Variants in LPP observed in about 807,000 individuals in gnomAD.
LPP encodes the protein lipoma-preferred partner.
Under a neutral mutation model 60.4 loss-of-function variants are expected in LPP, and 38 were observed. The ratio of observed to expected loss-of-function variants is 0.63; its 90% CI spans 0.49 to 0.83. The LOEUF (loss-of-function observed/expected upper bound fraction) is 0.83, where lower values mean the gene tolerates loss of function less well. Ranked by LOEUF, LPP falls within the 40% of genes least tolerant of loss-of-function variation. LPP has a pLI of 0.00. For missense variants in LPP, 902 were observed against 783.6 expected (o/e 1.15, Z -1.80); for synonymous variants, 328 against 290.8 (o/e 1.13, Z -1.30).
At chr3:188,825,269 CTGTG>C (rs3057956) in intron 9 of LPP, among the ~76,000 whole-genome samples, 5,334 of 101,252 alleles carry the variant, frequency 0.053, 139 homozygotes, top group African/African-American at 0.079. Flanking sequence ...CTCTCTCTCT[CTGTG>C]TGTGTGTGTG....
intron 6 of LPP, among the ~76,000 whole-genome samples, chr3:188,545,903 A>T (rs1826521735): frequency 6.6e-6 from 1 of 152,142 alleles, no homozygotes; most frequent in African/African-American, 2.4e-5. Context: ...AAGGCTCCAG[A>T]CAAGTTTGTG....
At chr3:188,360,539 T>C (rs1452797240) in intron 3 of LPP, among the ~76,000 whole-genome samples, 1 of 152,052 alleles carries the variant, frequency 6.6e-6, no homozygotes, top group African/African-American at 2.4e-5. Context: ...TTTCTTTTTG[T>C]GGAGATGGGG....
chr3:188,829,051 C>G (rs1236610561), intron 9 of LPP, among the ~76,000 whole-genome samples: 1 of 151,990 alleles, frequency 6.6e-6, no homozygotes, highest in African/African-American at 2.4e-5. Context: ...TATCTCTATA[C>G]CCCCCATTGT....
rs137926514 is a variant in LPP at position 188,639,481 on chromosome 3, A to C, written c.1113+29637A>C. Among the ~76,000 whole-genome samples the C allele has an allele frequency of 3.3e-3, 503 of 152,102 alleles. 3 individuals carry two copies. Among genetic ancestry groups the C allele is most frequent in the Admixed American group, 5.4e-3 (82 of 15,280 alleles). On this transcript the variant is annotated intron_variant, in intron 7 of 11. Transcript: ENST00000617246. ...GCAAGGACTTCATGTCTAAAACACC[A>C]AAAGCAATGGCAACAAAGGACAAAA... is the stretch of plus-strand genomic sequence containing the variant.
intron 2 of LPP, among the ~76,000 whole-genome samples, chr3:188,272,557 T>C (rs1021616002): frequency 6.6e-6 from 1 of 152,176 alleles, no homozygotes; most frequent in Non-Finnish European, 1.5e-5. Context: ...CTTTTGCTAC[T>C]GCAGAGGTAT....
chr3:188,436,567 C>T (rs1245334357), intron 4 of LPP, among the ~76,000 whole-genome samples: 2 of 151,934 alleles, frequency 1.3e-5, no homozygotes, highest in African/African-American at 2.4e-5. Flanking sequence ...ACTTAGGACC[C>T]GATATCTGTT....
chr3:188,307,532 A>G (rs975985132), intron 2 of LPP, among the ~76,000 whole-genome samples: 2 of 152,184 alleles, frequency 1.3e-5, no homozygotes, highest in Admixed American at 6.5e-5. Flanking sequence ...GTTCTCTGAA[A>G]ATTATGTGCA....
At chr3:188,635,384 A>T (rs1200169088) in intron 7 of LPP, among the ~76,000 whole-genome samples, 1 of 152,202 alleles carries the variant, frequency 6.6e-6, no homozygotes. Context: ...TGGGGCATAA[A>T]TCTCACGAGA....
At chr3:188,544,672 C>T (rs1826065235) in intron 6 of LPP, among the ~76,000 whole-genome samples, 1 of 103,624 alleles carries the variant, frequency 9.7e-6, no homozygotes, top group Non-Finnish European at 1.9e-5. Flanking sequence ...TAAACTAGTT[C>T]AACCATTGTG....
chr3:188,361,597 C>A (rs544254133), intron 3 of LPP, among the ~76,000 whole-genome samples: 1 of 134,046 alleles, frequency 7.5e-6, no homozygotes, highest in Non-Finnish European at 1.5e-5. Context: ...TCCTTTCTCT[C>A]GCTCTGTTGC....
At chr3:188,222,267 T>G (rs1357114614) in intron 1 of LPP, among the ~76,000 whole-genome samples, 1 of 152,212 alleles carries the variant, frequency 6.6e-6, no homozygotes, top group Non-Finnish European at 1.5e-5. Flanking sequence ...ACATACAGTA[T>G]CTAACAAACT....
intron 5 of LPP, among the ~76,000 whole-genome samples, chr3:188,517,872 A>T (rs73054757): frequency 0.022 from 3,310 of 152,146 alleles, 132 homozygotes; most frequent in African/African-American, 0.073. Flanking sequence ...ACAGAGCAAA[A>T]CTGTATCAGT....
intron 9 of LPP, among the ~76,000 whole-genome samples, chr3:188,798,232 G>A (rs1416247672): frequency 3.9e-5 from 6 of 152,212 alleles, no homozygotes; most frequent in African/African-American, 1.4e-4. Context: ...TAATAGGGGA[G>A]AAAATAGAAA....
chr3:188,620,729 T>C (rs1357001760), intron 7 of LPP, among the ~76,000 whole-genome samples: 1 of 152,240 alleles, frequency 6.6e-6, no homozygotes, highest in Non-Finnish European at 1.5e-5. Context: ...GCTGAAATGC[T>C]TTCCAATGGG....
At chr3:188,485,555 C>T (rs1021882932) in intron 5 of LPP, among the ~76,000 whole-genome samples, 12 of 151,786 alleles carry the variant, frequency 7.9e-5, no homozygotes, top group Non-Finnish European at 1.5e-4. Context: ...CCCAGCACTT[C>T]GGGAGGCCGA....
At chr3:188,530,073 A>C (rs956668010) in intron 6 of LPP, among the ~76,000 whole-genome samples, 204 of 152,352 alleles carry the variant, frequency 1.3e-3, no homozygotes, top group African/African-American at 4.7e-3. Context: ...GAGAAAGTCA[A>C]GGAACGTGGA....
chr3:188,680,914 G>C (rs759947373), intron 7 of LPP, among the ~76,000 whole-genome samples: 24 of 151,870 alleles, frequency 1.6e-4, no homozygotes, highest in South Asian at 2.1e-4. Context: ...TTCTGGTACA[G>C]AGTAAACGGA....
chr3:188,830,735 A>G (rs1756950248), intron 9 of LPP, among the ~76,000 whole-genome samples: 1 of 152,232 alleles, frequency 6.6e-6, no homozygotes, highest in Admixed American at 6.5e-5. Flanking sequence ...AGGTCTCCAC[A>G]TCTACCTATA....
intron 6 of LPP, among the ~76,000 whole-genome samples, chr3:188,569,471 C>G (rs1368379056): frequency 6.6e-6 from 1 of 151,956 alleles, no homozygotes; most frequent in African/African-American, 2.4e-5. Flanking sequence ...AATTCCCCAT[C>G]AGATTAACCC....
Sources: gnomAD v4.1 joint callset for allele counts (sites outside exome capture counted in the v4.1 genomes callset) on GRCh38, gnomAD v4.1.1 for gene constraint, MANE v1.5 for transcripts, NCBI Gene and HGNC (gene_info 2026-07-23, HGNC 2026-07-21) for gene names.